ATP10B: variants seen among roughly 807,000 people sequenced by gnomAD.
The protein encoded by ATP10B is ATPase phospholipid transporting 10B (putative), also known as phospholipid-transporting ATPase VB.
ATP10B carries 122 observed loss-of-function variants against 141.2 expected under a neutral mutation model. The observed-to-expected ratio is 0.86, with a 90% CI of 0.75 to 1.00. ATP10B has a LOEUF of 1.00. ATP10B is among the 50% of genes least tolerant of loss of function. The pLI, the probability that ATP10B is intolerant of heterozygous loss-of-function variation, is 0.00. For synonymous variants in ATP10B, 685 were observed against 692.0 expected (o/e 0.99, Z 0.16); for missense variants, 1,876 against 1,825.3 (o/e 1.03, Z -0.51).
chr5:160,643,595 C>G (rs959762179), intron 9 of ATP10B, among the ~76,000 whole-genome samples: 2 of 152,142 alleles, frequency 1.3e-5, no homozygotes, highest in African/African-American at 4.8e-5. Context: ...AGATAGGCCT[C>G]CATATATGGA....
chr5:160,655,582 C>T (rs1478527606), intron 7 of ATP10B, among the ~76,000 whole-genome samples: 1 of 152,086 alleles, frequency 6.6e-6, no homozygotes, highest in Non-Finnish European at 1.5e-5. Context: ...TGAGGAGATG[C>T]AAAGCAGACC....
intron 1 of ATP10B, among the ~76,000 whole-genome samples, chr5:160,836,226 T>C (rs1418798901): frequency 2.6e-5 from 4 of 152,128 alleles, no homozygotes; most frequent in African/African-American, 9.7e-5. Flanking sequence ...ATTGCACTTG[T>C]ACCCCTTCAA....
In ATP10B at chr5:160,840,331, T is replaced by C. The variant is rs115755391; in HGVS notation, c.-576+11610A>G. On this transcript the variant is annotated intron_variant, in intron 1 of 25. Transcript: ENST00000327245. ...GAGCTATGAAGGGGGTATAGTCCTA[T>C]TAACACTGTAAAGACTATAATTAAA... 6.0e-3 allele frequency among the ~76,000 whole-genome samples: 916 copies of C among 152,026 alleles called. 13 individuals are homozygous for C. Among genetic ancestry groups the C allele is most frequent in the African/African-American group, 0.021 (871 of 41,482 alleles).
At chr5:160,765,076 CACAA>C (rs1001101887) in intron 2 of ATP10B, among the ~76,000 whole-genome samples, 17 of 152,204 alleles carry the variant, frequency 1.1e-4, no homozygotes, top group African/African-American at 4.1e-4. Context: ...TCATAGATGA[CACAA>C]ACAAATGTAA....
intron 2 of ATP10B, among the ~76,000 whole-genome samples, chr5:160,733,924 T>G (rs1341495512): frequency 6.6e-6 from 1 of 151,298 alleles, no homozygotes; most frequent in African/African-American, 2.4e-5. Context: ...GACAACATGG[T>G]GAAACCCCAT....
At chr5:160,688,310 TTTAAGA>T (rs971477253) in intron 4 of ATP10B, among the ~76,000 whole-genome samples, 20 of 152,314 alleles carry the variant, frequency 1.3e-4, no homozygotes, top group African/African-American at 4.8e-4. Context: ...AAGGATTTTG[TTTAAGA>T]TTGAGTATCT....
intron 3 of ATP10B, among the ~76,000 whole-genome samples, chr5:160,705,626 C>T (rs2127765721): frequency 6.6e-6 from 1 of 152,300 alleles, no homozygotes; most frequent in African/African-American, 2.4e-5. Flanking sequence ...AAGTTAGGGG[C>T]TTGCTCTGGA....
chr5:160,635,784 C>T (rs529057369), intron 11 of ATP10B, among the ~76,000 whole-genome samples: 1 of 152,282 alleles, frequency 6.6e-6, no homozygotes, highest in Non-Finnish European at 1.5e-5. Flanking sequence ...AAAACACTAA[C>T]TCGTGATTTC....
the ATP10B span, among the ~76,000 whole-genome samples, chr5:160,908,856 T>C: frequency 6.6e-6 from 1 of 152,202 alleles, no homozygotes; most frequent in Admixed American, 6.5e-5. Flanking sequence ...CAACACTCCT[T>C]CTGTCCTCTC....
chr5:160,654,554 A>G (rs757070019), intron 7 of ATP10B, among the ~76,000 whole-genome samples: 1 of 152,148 alleles, frequency 6.6e-6, no homozygotes, highest in Non-Finnish European at 1.5e-5. Flanking sequence ...AGCACTTACT[A>G]TGTGCCAGAC....
chr5:160,784,250 G>C (rs1397506404), intron 2 of ATP10B, among the ~76,000 whole-genome samples: 1 of 152,098 alleles, frequency 6.6e-6, no homozygotes, highest in Non-Finnish European at 1.5e-5. Flanking sequence ...TCTTCTTTTG[G>C]CTGCACAAAG....
In ATP10B at chr5:160,636,173, G is replaced by T. The variant is rs760746509; in HGVS notation, c.1128+9C>A. The T allele has an allele frequency of 6.3e-7, 1 of 1,590,904 alleles. No individual in the cohort carries two copies. The highest frequency in any genetic ancestry group is 8.5e-7 in the Non-Finnish European group (1 of 1,169,684). On this transcript the variant is annotated intron_variant, in intron 11 of 25. Coordinates refer to ENST00000327245, the MANE Select transcript of ATP10B (RefSeq NM_025153.3). ...CTTATTGGGCCCCTAGTTAGGGAGG[G>T]CTTCCTACCTGGAGCAGGATGATCA...
intron 13 of ATP10B, among the ~76,000 whole-genome samples, chr5:160,631,741 G>A (rs961278683): frequency 1.3e-5 from 2 of 152,126 alleles, no homozygotes; most frequent in South Asian, 2.1e-4. Flanking sequence ...CCTCAGTGAC[G>A]GGATACATAG....
Position 160,712,733 on chromosome 5 carries a change from T to A in ATP10B, c.-205+4176A>T. Among the ~76,000 whole-genome samples, 2 of 25,650 alleles carry A rather than the reference T, an allele frequency of 7.8e-5. 1 individual carries two copies. The highest frequency in any genetic ancestry group is 1.3e-4 in the Non-Finnish European group (2 of 15,470). The allele number at this position is 25,650 out of a possible 152,430, so 16.8% of individuals were successfully genotyped here. ...GGTGTCAATTTTGGATCTTTCCTGC[T>A]TTCTCTTGTAGGCATTTAGTGCTAT... On this transcript the variant is annotated intron_variant, in intron 3 of 25. Coordinates refer to ENST00000327245, the MANE Select transcript of ATP10B (RefSeq NM_025153.3).
the ATP10B span, among the ~76,000 whole-genome samples, chr5:160,900,874 C>G: frequency 7.0e-6 from 1 of 141,966 alleles, no homozygotes; most frequent in Non-Finnish European, 1.5e-5. Context: ...AGAACACTCT[C>G]TGAAAAGTAT....
intron 1 of ATP10B, among the ~76,000 whole-genome samples, chr5:160,820,689 C>T (rs1397004844): frequency 1.3e-5 from 2 of 152,034 alleles, no homozygotes; most frequent in Non-Finnish European, 2.9e-5. Flanking sequence ...AAAGATCATT[C>T]ATCATGACCA....
chr5:160,568,578 G>C (rs1018459697), intron 25 of ATP10B, among the ~76,000 whole-genome samples: 3 of 152,212 alleles, frequency 2.0e-5, no homozygotes, highest in African/African-American at 7.2e-5. Context: ...TGACTAGAGA[G>C]AGTGGGCTGC....
At chr5:160,571,546 G>T (rs1368217784) in intron 24 of ATP10B, among the ~76,000 whole-genome samples, 2 of 151,904 alleles carry the variant, frequency 1.3e-5, no homozygotes, top group African/African-American at 4.8e-5. Context: ...CTGATATTTG[G>T]TTTTTCACTC....
intron 3 of ATP10B, among the ~76,000 whole-genome samples, chr5:160,706,075 G>A (rs1363633867): frequency 1.3e-5 from 2 of 152,210 alleles, no homozygotes; most frequent in African/African-American, 4.8e-5. Flanking sequence ...CACATTTAGA[G>A]ATTAAGTTTG....
Sources: allele counts gnomAD v4.1 joint callset (sites outside exome capture counted in the v4.1 genomes callset), GRCh38; gene constraint gnomAD v4.1.1; transcripts MANE v1.5; gene names NCBI Gene and HGNC (gene_info 2026-07-23, HGNC 2026-07-21).